Variants in TP53I13 observed in about 807,000 individuals in gnomAD.
TP53I13 encodes the protein tumor protein p53 inducible protein 13, also known as tumor protein p53-inducible protein 13.
In TP53I13, 27 loss-of-function variants were observed where a neutral mutation model predicts 39.1. That is an observed-to-expected ratio of 0.69 (90% CI 0.51 to 0.95). The LOEUF is 0.95. TP53I13 is among the 40% of genes least tolerant of loss of function. The pLI is 0.00. For missense variants in TP53I13, 544 were observed against 520.4 expected (o/e 1.05, Z -0.44); for synonymous variants, 230 against 224.6 (o/e 1.02, Z -0.22).
chr17:29,571,641 G>A lies in TP53I13; in HGVS notation c.234G>A (p.Lys78=), dbSNP rs1210642840. ...LYHPCAHPWL[K]LQLALLAYAC... Reference sequence around the variant, plus strand: ...ACCCCTGTGCCCATCCCTGGCTGAAGCTCCAGCTTGCCCTCCTGGCCTATG... The same window carrying A: ...ACCCCTGTGCCCATCCCTGGCTGAAACTCCAGCTTGCCCTCCTGGCCTATG... The change falls in exon 4 of 7, where the codon AAG becomes AAA. Residue 78 remains lysine (K), a synonymous_variant. Transcript: ENST00000301057. 1.2e-6 allele frequency: 2 copies of A among 1,614,030 alleles called. No homozygotes were observed. The highest frequency in any genetic ancestry group is 2.7e-5 in the African/African-American group (2 of 74,926).
chr17:29,571,694 CT>C lies in TP53I13; in HGVS notation c.288del (p.Asp97ThrfsTer12). 1 of 1,614,154 alleles carries C rather than the reference CT, an allele frequency of 6.2e-7. No individual in the cohort carries two copies. Among genetic ancestry groups the C allele is most frequent in the Non-Finnish European group, 8.5e-7 (1 of 1,180,030 alleles). ...TGTATGGCTAACCCTTCCCTCACCC[CT>C]GACTTCAGCCTCACGCAGGATCGGG... ...YACMANPSLTPDFSLTQDRPL... is the reference protein window; with the variant it reads ...YACMANPSLTXDFSLTQDRPL... On this transcript the variant is annotated frameshift_variant, in exon 4 of 7. Transcript: ENST00000301057. LOFTEE classifies it high-confidence loss of function.
upstream of TP53I13, chr17:29,566,478 G>T (rs1258636766): frequency 6.2e-7 from 1 of 1,612,096 alleles, no homozygotes; most frequent in Admixed American, 1.7e-5. Flanking sequence ...ACGCATTGGG[G>T]ATCACCAGAA....
chr17:29,578,588 A>G, the TP53I13 span: 1 of 869,520 alleles, frequency 1.2e-6, no homozygotes, highest in Non-Finnish European at 2.0e-6. Flanking sequence ...GGTCAGGGAG[A>G]GGGGACTGCT....
chr17:29,567,618 CAT>C (rs1486377240), upstream of TP53I13: 1 of 152,180 alleles, frequency 6.6e-6, no homozygotes, highest in Non-Finnish European at 1.5e-5. The surrounding 1 kb of genome is among the most constrained non-coding windows in gnomAD (Gnocchi z 6.6). Flanking sequence ...TCCCCGCCTG[CAT>C]CAGTGCGGGT....
chr17:29,567,054 G>A, upstream of TP53I13: 1 of 1,144,746 alleles, frequency 8.7e-7, no homozygotes. The surrounding 1 kb of genome is among the most constrained non-coding windows in gnomAD (Gnocchi z 6.6). Flanking sequence ...CCGCCCGCCG[G>A]CGGCGGCTGC....
At chr17:29,579,311 C>T in the TP53I13 span, 5 of 423,092 alleles carry the variant, frequency 1.2e-5, no homozygotes, top group African/African-American at 2.0e-5. Flanking sequence ...CTTAATCTCC[C>T]TCCTTCTAGT....
chr17:29,576,036 A>G, downstream of TP53I13: 1 of 1,604,824 alleles, frequency 6.2e-7, no homozygotes, highest in Non-Finnish European at 8.5e-7. Flanking sequence ...CCTGGGGCTC[A>G]GAACCTACTG....
downstream of TP53I13, chr17:29,576,023 C>A: frequency 6.3e-7 from 1 of 1,579,034 alleles, no homozygotes; most frequent in African/African-American, 1.3e-5. Flanking sequence ...GAGCCCAGAA[C>A]CCCCTGGGGC....
the TP53I13 span, chr17:29,579,325 G>T: frequency 2.6e-6 from 1 of 390,030 alleles, no homozygotes; most frequent in South Asian, 3.4e-5. Flanking sequence ...TTCTAGTTTT[G>T]TCCCTACAAT....
downstream of TP53I13, chr17:29,576,549 G>A (rs773939231): frequency 6.8e-6 from 11 of 1,613,792 alleles, no homozygotes; most frequent in Non-Finnish European, 8.5e-6. Flanking sequence ...GGAGCTCGTC[G>A]CTCAGGCTAC....
At chr17:29,582,152 G>A in the TP53I13 span, 4 of 1,549,844 alleles carry the variant, frequency 2.6e-6, no homozygotes, top group Non-Finnish European at 3.5e-6. Context: ...TTGCTAAGAG[G>A]AGCAGAGTGT....
At chr17:29,574,859 T>C (rs375882746), downstream of TP53I13, 12 of 1,596,850 alleles carry the variant, frequency 7.5e-6, no homozygotes, top group East Asian at 2.0e-4. Context: ...CTGCAGCCGG[T>C]AGGCGCTGGC....
the TP53I13 span, among the ~76,000 whole-genome samples, chr17:29,579,761 T>G: frequency 6.6e-6 from 1 of 152,026 alleles, no homozygotes; most frequent in South Asian, 2.1e-4. Context: ...GCATACATTC[T>G]TATCTAATCC....
At chr17:29,570,228 C>A (rs937713577) in intron 3 of TP53I13, among the ~76,000 whole-genome samples, 1 of 137,450 alleles carries the variant, frequency 7.3e-6, no homozygotes, top group African/African-American at 2.7e-5. Context: ...CTTAAATTGG[C>A]CAGGCATGGT....
At chr17:29,582,308 C>T in the TP53I13 span, among the ~76,000 whole-genome samples, 1 of 152,242 alleles carries the variant, frequency 6.6e-6, no homozygotes, top group Non-Finnish European at 1.5e-5. Flanking sequence ...GGGTTAATGC[C>T]AATTAATAAA....
At chr17:29,579,695 C>T in the TP53I13 span, among the ~76,000 whole-genome samples, 2 of 151,968 alleles carry the variant, frequency 1.3e-5, no homozygotes, top group South Asian at 2.1e-4. Flanking sequence ...CGCACTCCAG[C>T]CTGGGCAACA....
At chr17:29,577,160 CCTG>C, downstream of TP53I13, 1 of 1,613,936 alleles carries the variant, frequency 6.2e-7, no homozygotes, top group Admixed American at 1.7e-5. Context: ...AGGCTCTTGC[CCTG>C]CTGTCTCCGC....
At position 29,572,967 on chromosome 17, in the gene TP53I13, C is replaced by T; in HGVS notation, c.*43C>T. On this transcript the variant is annotated 3_prime_UTR_variant, in exon 7 of 7. Coordinates refer to ENST00000301057, the MANE Select transcript of TP53I13 (RefSeq NM_138349.4). Reference sequence around the variant, plus strand: ...CTGTGGCGTGCGGCTCCTCCCCGCGCCGCGAGGCCGCGACCTCTGCCACGT... The same window carrying T: ...CTGTGGCGTGCGGCTCCTCCCCGCGTCGCGAGGCCGCGACCTCTGCCACGT... 1.5e-6 allele frequency: 2 copies of T among 1,348,420 alleles called. No individual in the cohort carries two copies. The highest frequency in any genetic ancestry group is 2.7e-4 in the Middle Eastern group (1 of 3,682). The allele number at this position is 1,348,420 out of a possible 1,614,324, so 83.5% of individuals were successfully genotyped here.
At chr17:29,577,157 T>C (rs370531367), downstream of TP53I13, 9 of 1,613,804 alleles carry the variant, frequency 5.6e-6, no homozygotes, top group Non-Finnish European at 6.8e-6. Context: ...CTCAGGCTCT[T>C]GCCCTGCTGT....
Sources: allele counts gnomAD v4.1 joint callset (sites outside exome capture counted in the v4.1 genomes callset), GRCh38; gene constraint gnomAD v4.1.1; non-coding constraint Gnocchi (gnomAD v3.1); transcripts MANE v1.5; gene names NCBI Gene and HGNC (gene_info 2026-07-23, HGNC 2026-07-21).